Variants in ANO1 observed in about 807,000 individuals in gnomAD.
ANO1 encodes the protein anoctamin 1.
ANO1 carries 59 observed loss-of-function variants against 124.0 expected under a neutral mutation model. The ratio of observed to expected loss-of-function variants is 0.48; its 90% CI spans 0.39 to 0.59. The LOEUF is 0.59. Among genes scored for constraint, ANO1 ranks in the 20% least tolerant of loss-of-function variants. ANO1 has a pLI of 0.00. For missense variants in ANO1, 1,059 were observed against 1,328.0 expected (o/e 0.80, Z 3.15); for synonymous variants, 529 against 532.0 (o/e 0.99, Z 0.08).
At chr11:70,019,986 C>A (rs149332542) in intron 1 of ANO1, among the ~76,000 whole-genome samples, 2 of 152,346 alleles carry the variant, frequency 1.3e-5, no homozygotes, top group Non-Finnish European at 2.9e-5. Flanking sequence ...CTTCTCTTCC[C>A]TCTCCCCTCC....
chr11:70,150,453 T>C (rs1038621870), intron 12 of ANO1, among the ~76,000 whole-genome samples: 1 of 152,190 alleles, frequency 6.6e-6, no homozygotes, highest in Non-Finnish European at 1.5e-5. Context: ...TCCCCACAAT[T>C]AGCCTTGGTG....
intron 1 of ANO1, among the ~76,000 whole-genome samples, chr11:70,050,815 C>A (rs1857339951): frequency 6.6e-6 from 1 of 152,170 alleles, no homozygotes; most frequent in Admixed American, 6.6e-5. Flanking sequence ...AGTTCACTTA[C>A]ATCTCTGACC....
At chr11:70,014,001 CAGAGAGAG>C (rs59053874) in intron 1 of ANO1, among the ~76,000 whole-genome samples, 45 of 140,792 alleles carry the variant, frequency 3.2e-4, no homozygotes, top group African/African-American at 1.4e-3. Context: ...TGTGCACGGA[CAGAGAGAG>C]AGAGAGAGAG....
intron 1 of ANO1, among the ~76,000 whole-genome samples, chr11:70,062,461 A>G (rs1366323017): frequency 2.0e-5 from 3 of 152,184 alleles, no homozygotes; most frequent in Non-Finnish European, 2.9e-5. Flanking sequence ...CTGTGTGAGG[A>G]TCCTGCACCC....
At chr11:70,104,888 G>A (rs545498446) in intron 4 of ANO1, among the ~76,000 whole-genome samples, 3 of 152,216 alleles carry the variant, frequency 2.0e-5, no homozygotes, top group African/African-American at 7.2e-5. Flanking sequence ...AGCTCACAGG[G>A]GCCCTTGCTT....
At chr11:70,161,418 G>T in intron 17 of ANO1, 56 bp downstream of exon 17, 1 of 1,572,874 alleles carries the variant, frequency 6.4e-7, no homozygotes, top group Non-Finnish European at 8.7e-7. Flanking sequence ...GGAGTCGCCT[G>T]CCTCTTGCTG....
At chr11:70,076,567 G>C (rs2044060327), upstream of ANO1, among the ~76,000 whole-genome samples, 1 of 152,164 alleles carries the variant, frequency 6.6e-6, no homozygotes. Context: ...AGTGGATGGA[G>C]TTACATAATC....
At chr11:70,012,083 T>C (rs547536249) in intron 1 of ANO1, among the ~76,000 whole-genome samples, 2 of 151,360 alleles carry the variant, frequency 1.3e-5, no homozygotes, top group Non-Finnish European at 2.9e-5. Flanking sequence ...TCTATCAATC[T>C]GTCTATTCAT....
At chr11:69,977,755 G>T in the ANO1 span, among the ~76,000 whole-genome samples, 1 of 152,240 alleles carries the variant, frequency 6.6e-6, no homozygotes, top group African/African-American at 2.4e-5. Flanking sequence ...CAGCCCCGAG[G>T]CTTTGTGTGC....
At position 69,998,710 on chromosome 11, in the gene ANO1, G is replaced by A. The variant is rs529902015; in HGVS notation, c.58+12544G>A. 1.5e-3 allele frequency among the ~76,000 whole-genome samples: 222 copies of A among 152,306 alleles called. 1 individual carries two copies. The highest frequency in any genetic ancestry group is 2.6e-3 in the Non-Finnish European group (180 of 68,036). The stretch of plus-strand genomic sequence containing the variant: ...ACACCTGCAATCTCAGCACTTGGGT[G>A]GCTGAGGCAGGTGGTTCACCTGAGG... On this transcript the variant is annotated intron_variant, in intron 1 of 27. Coordinates refer to the ANO1 transcript ENST00000531349.
intron 1 of ANO1, among the ~76,000 whole-genome samples, chr11:70,043,333 G>C (rs1367730657): frequency 6.6e-6 from 1 of 152,136 alleles, no homozygotes; most frequent in African/African-American, 2.4e-5. Flanking sequence ...GAACACCATA[G>C]ATTTGTGGAA....
chr11:70,133,343 G>T (rs2046834248), intron 11 of ANO1, among the ~76,000 whole-genome samples: 1 of 152,192 alleles, frequency 6.6e-6, no homozygotes, highest in Non-Finnish European at 1.5e-5. Context: ...CCAAAGCCTT[G>T]CCAGCATCCT....
At chr11:70,081,499 G>GT (rs2044199317) in intron 1 of ANO1, among the ~76,000 whole-genome samples, 1 of 152,150 alleles carries the variant, frequency 6.6e-6, no homozygotes. Context: ...TAAAACTGAT[G>GT]TTCCCTTCTT....
intron 3 of ANO1, 126 bp downstream of exon 3, chr11:70,103,290 G>C: frequency 1.4e-6 from 1 of 726,040 alleles, no homozygotes; most frequent in African/African-American, 1.8e-5. Context: ...TGGGCTTCAC[G>C]GCTACCCCTG....
intron 19 of ANO1, 62 bp downstream of exon 19, chr11:70,163,402 C>A: frequency 6.3e-7 from 1 of 1,578,570 alleles, no homozygotes; most frequent in Non-Finnish European, 8.7e-7. Context: ...TTGTCTACAC[C>A]ATGCACTTGG....
chr11:70,171,021 G>A lies in ANO1; in HGVS notation c.2332G>A (p.Val778Ile). Reference protein sequence around the residue: ...FVTELRRPVAVRAKDIGIWYN... With the variant: ...FVTELRRPVAIRAKDIGIWYN... Reference sequence around the variant, plus strand: ...CACTGAGCTCCGAAGGCCGGTAGCTGTCAGAGCCAAAGACATCGGTGAGTG... The same window carrying A: ...CACTGAGCTCCGAAGGCCGGTAGCTATCAGAGCCAAAGACATCGGTGAGTG... Residue 778 changes from valine to isoleucine, a missense_variant, in exon 22 of 26, where the codon GTC becomes ATC. Coordinates refer to ENST00000355303, the MANE Select transcript of ANO1 (RefSeq NM_018043.7). The A allele has an allele frequency of 6.2e-7, 1 of 1,612,404 alleles. No individual in the cohort carries two copies. Among genetic ancestry groups the A allele is most frequent in the Non-Finnish European group, 8.5e-7 (1 of 1,179,242 alleles).
chr11:69,985,023 TC>T, upstream of ANO1, among the ~76,000 whole-genome samples: 1 of 152,238 alleles, frequency 6.6e-6, no homozygotes, highest in South Asian at 2.1e-4. Flanking sequence ...ACGCCCGCCC[TC>T]CGTAGGGCCC....
chr11:70,013,950 G>A (rs1856650415), intron 1 of ANO1, among the ~76,000 whole-genome samples: 1 of 152,064 alleles, frequency 6.6e-6, no homozygotes, highest in Non-Finnish European at 1.5e-5. Context: ...CTGGCTTCTA[G>A]ATGGCCACCT....
At chr11:70,176,815 TAC>T (rs1383582320) in intron 22 of ANO1, among the ~76,000 whole-genome samples, 2 of 152,154 alleles carry the variant, frequency 1.3e-5, no homozygotes, top group Non-Finnish European at 2.9e-5. Context: ...ATTTTTGGTT[TAC>T]AGAGATCCTT....
Sources: gnomAD v4.1 joint callset for allele counts (sites outside exome capture counted in the v4.1 genomes callset) on GRCh38, gnomAD v4.1.1 for gene constraint, MANE v1.5 for transcripts, NCBI Gene and HGNC (gene_info 2026-07-23, HGNC 2026-07-21) for gene names.